The following CTNNBL1 variants were observed in gnomAD, a reference collection of about 807,000 sequenced individuals.
The protein encoded by CTNNBL1 is beta-catenin-like protein 1.
In CTNNBL1, 31 loss-of-function variants were observed where a neutral mutation model predicts 72.7. The observed-to-expected ratio is 0.43, with a 90% CI of 0.32 to 0.58. The LOEUF (loss-of-function observed/expected upper bound fraction) is 0.58, where lower values mean the gene tolerates loss of function less well. CTNNBL1 is among the 20% of genes least tolerant of loss of function. The pLI, the probability that CTNNBL1 is intolerant of heterozygous loss-of-function variation, is 0.08. For missense variants in CTNNBL1, 534 were observed against 725.1 expected (o/e 0.74, Z 3.03); for synonymous variants, 240 against 267.3 (o/e 0.90, Z 1.00).
intron 1 of CTNNBL1, among the ~76,000 whole-genome samples, chr20:37,729,908 C>A (rs1239911633): frequency 6.6e-6 from 1 of 152,074 alleles, no homozygotes; most frequent in Non-Finnish European, 1.5e-5. Flanking sequence ...GATGATAGTA[C>A]ATTTTTGTAA....
intron 10 of CTNNBL1, among the ~76,000 whole-genome samples, chr20:37,793,440 C>A (rs1218425104): frequency 6.6e-6 from 1 of 152,184 alleles, no homozygotes; most frequent in East Asian, 1.9e-4. Flanking sequence ...AATATAGCCA[C>A]TACAACTTTC....
At chr20:37,836,655 A>C (rs1373927535) in intron 11 of CTNNBL1, among the ~76,000 whole-genome samples, 1 of 152,164 alleles carries the variant, frequency 6.6e-6, no homozygotes, top group Non-Finnish European at 1.5e-5. Context: ...TCACTAAATG[A>C]GGAGCTTCTT....
chr20:37,695,185 A>G (rs1465310747), intron 1 of CTNNBL1, among the ~76,000 whole-genome samples: 1 of 152,194 alleles, frequency 6.6e-6, no homozygotes, highest in African/African-American at 2.4e-5. Flanking sequence ...GAAATAAAAT[A>G]TACTTAATTA....
At chr20:37,864,591 C>T (rs1002388199) in intron 15 of CTNNBL1, among the ~76,000 whole-genome samples, 5 of 152,194 alleles carry the variant, frequency 3.3e-5, no homozygotes, top group Non-Finnish European at 5.9e-5. Context: ...GTGCTCCCGA[C>T]GTCCAGCCTT....
At chr20:37,743,238 G>T (rs1046741384) in intron 3 of CTNNBL1, among the ~76,000 whole-genome samples, 1 of 151,232 alleles carries the variant, frequency 6.6e-6, no homozygotes, top group Non-Finnish European at 1.5e-5. Flanking sequence ...TTGTTCTCCA[G>T]AAATCTTGTA....
At chr20:37,803,140 G>A in intron 11 of CTNNBL1, 92 bp downstream of exon 11, 2 of 1,128,594 alleles carry the variant, frequency 1.8e-6, no homozygotes, top group Non-Finnish European at 2.5e-6. Context: ...CGTGTTTGGG[G>A]GATAGAGGGG....
chr20:37,802,813 A>T (rs1449297455), intron 10 of CTNNBL1, 54 bp from the exon 11 acceptor site: 7 of 1,370,670 alleles, frequency 5.1e-6, no homozygotes, highest in Admixed American at 2.2e-5. Flanking sequence ...TTTTTTTTTT[A>T]AGCTCTATAA....
chr20:37,740,660 A>T (rs1227861824), intron 3 of CTNNBL1, among the ~76,000 whole-genome samples: 4 of 152,236 alleles, frequency 2.6e-5, no homozygotes, highest in African/African-American at 9.6e-5. Context: ...TGAATATCCC[A>T]AAGTGCTTAG....
intron 10 of CTNNBL1, among the ~76,000 whole-genome samples, chr20:37,801,394 G>A (rs2073822258): frequency 6.6e-6 from 1 of 152,078 alleles, no homozygotes. Flanking sequence ...GGAAATGACT[G>A]ACTTGCTTCT....
intron 15 of CTNNBL1, among the ~76,000 whole-genome samples, chr20:37,871,050 A>G (rs1159397767): frequency 6.6e-6 from 1 of 152,178 alleles, no homozygotes; most frequent in Non-Finnish European, 1.5e-5. Context: ...ATCTGTTTCT[A>G]TCACTGCTTT....
intron 13 of CTNNBL1, among the ~76,000 whole-genome samples, chr20:37,857,152 C>T (rs1050763304): frequency 2.0e-5 from 3 of 152,182 alleles, no homozygotes; most frequent in Non-Finnish European, 4.4e-5. Flanking sequence ...TCAGAGTTCT[C>T]GAGCAGGAAG....
At position 37,743,925 on chromosome 20, in the gene CTNNBL1, T is replaced by C. The variant is rs935649983; in HGVS notation, c.327-2543T>C. 3.2e-4 allele frequency among the ~76,000 whole-genome samples: 49 copies of C among 152,078 alleles called. 2 individuals are homozygous for C. ...TGCTCAGGATACATGTAAAATAGAGTTCATAAAGGCAAAGATTTTGCTACT... is the reference window on the plus strand; with the variant it reads ...TGCTCAGGATACATGTAAAATAGAGCTCATAAAGGCAAAGATTTTGCTACT... On this transcript the variant is annotated intron_variant, in intron 3 of 15. Transcript: ENST00000361383.
chr20:37,751,470 T>C (rs2073319317), intron 4 of CTNNBL1: 1 of 152,234 alleles, frequency 6.6e-6, no homozygotes, highest in Admixed American at 6.5e-5. Flanking sequence ...ACTGTTTAGT[T>C]TTCTTCTGAT....
chr20:37,783,151 T>G (rs2073640817), intron 10 of CTNNBL1, among the ~76,000 whole-genome samples: 1 of 152,222 alleles, frequency 6.6e-6, no homozygotes, highest in African/African-American at 2.4e-5. Context: ...GCTCAAGCTA[T>G]CCACCTTTCT....
chr20:37,821,528 T>C (rs753011429), intron 11 of CTNNBL1, among the ~76,000 whole-genome samples: 2 of 152,212 alleles, frequency 1.3e-5, no homozygotes, highest in Non-Finnish European at 2.9e-5. Flanking sequence ...GTTCCCCTCC[T>C]CTCTTTTTTT....
At chr20:37,754,174 T>C (rs1279700492) in intron 4 of CTNNBL1, among the ~76,000 whole-genome samples, 1 of 152,226 alleles carries the variant, frequency 6.6e-6, no homozygotes, top group Non-Finnish European at 1.5e-5. Flanking sequence ...AATTTAATCA[T>C]GCATGGTGTT....
chr20:37,866,058 C>A (rs182821083), intron 15 of CTNNBL1, among the ~76,000 whole-genome samples: 1 of 152,324 alleles, frequency 6.6e-6, no homozygotes. Flanking sequence ...TTGGCATGTG[C>A]GTGGCTTGCG....
chr20:37,752,034 T>C lies in CTNNBL1; in HGVS notation c.466+5427T>C, dbSNP rs543914654. Among the ~76,000 whole-genome samples, 10 of 152,352 alleles carry C rather than the reference T, an allele frequency of 6.6e-5. No individual in the cohort carries two copies. The South Asian group carries it at 1.9e-3, about 28-fold the overall frequency. On this transcript the variant is annotated intron_variant, in intron 4 of 15. Transcript: ENST00000361383. Reference sequence around the variant, plus strand: ...TAGGTTAAAAGTGCCAAAATGGCAATGTAGAAGAAGGATCTTTTAATGTAA... The same window carrying C: ...TAGGTTAAAAGTGCCAAAATGGCAACGTAGAAGAAGGATCTTTTAATGTAA...
At chr20:37,786,681 C>CT (rs1234344363) in intron 10 of CTNNBL1, among the ~76,000 whole-genome samples, 1 of 151,722 alleles carries the variant, frequency 6.6e-6, no homozygotes, top group Non-Finnish European at 1.5e-5. Context: ...TTTTTTTCTA[C>CT]TTTTTTGTTT....
Sources: gnomAD v4.1 joint callset for allele counts (sites outside exome capture counted in the v4.1 genomes callset) on GRCh38, gnomAD v4.1.1 for gene constraint, MANE v1.5 for transcripts, NCBI Gene and HGNC (gene_info 2026-07-23, HGNC 2026-07-21) for gene names.